Variants in COBL observed in about 807,000 individuals in gnomAD.
COBL encodes the protein cordon-bleu WH2 repeat protein, also known as protein cordon-bleu.
COBL carries 51 observed loss-of-function variants against 98.8 expected under a neutral mutation model. The ratio of observed to expected loss-of-function variants is 0.52; its 90% CI spans 0.41 to 0.65. The LOEUF (loss-of-function observed/expected upper bound fraction) is 0.65. Ranked by LOEUF, COBL falls within the 30% of genes least tolerant of loss-of-function variation. The pLI, the probability that COBL is intolerant of heterozygous loss-of-function variation, is 0.00. For synonymous variants in COBL, 634 were observed against 651.7 expected, an observed-to-expected ratio of 0.97 and a Z score of 0.41; for missense variants, 1,617 against 1,617.5, an observed-to-expected ratio of 1.00 and a Z score of 0.01.
Position 51,081,478 on chromosome 7 carries a change from G to T in COBL, c.1096+3688C>A, listed in dbSNP as rs189983925. Among the ~76,000 whole-genome samples the T allele has an allele frequency of 1.9e-4, 29 of 152,318 alleles. No homozygotes were observed. The East Asian group carries it at 5.6e-3, about 30-fold the overall frequency. ...AGGTCTAAGGGCAGCAGGTGGGGAGGTTCCACTGCTCTGCAGAGATGCAGG... is the reference window on the plus strand; with the variant it reads ...AGGTCTAAGGGCAGCAGGTGGGGAGTTTCCACTGCTCTGCAGAGATGCAGG... On this transcript the variant is annotated intron_variant, in intron 7 of 12. Coordinates refer to ENST00000265136, the MANE Select transcript of COBL (RefSeq NM_015198.5).
intron 2 of COBL, among the ~76,000 whole-genome samples, chr7:51,210,881 GCCT>G (rs1032381239): frequency 2.0e-5 from 3 of 152,126 alleles, no homozygotes; most frequent in African/African-American, 7.2e-5. Context: ...GTTCTTTCTA[GCCT>G]CCTTTGATGC....
chr7:51,151,016 T>A (rs714496), intron 5 of COBL, among the ~76,000 whole-genome samples: 18,315 of 151,942 alleles, frequency 0.12, 1,589 homozygotes, highest in African/African-American at 0.24. Context: ...CCCAATATTG[T>A]TCTGACCTCT....
At chr7:51,131,477 C>T (rs111405527) in intron 6 of COBL, among the ~76,000 whole-genome samples, 101 of 152,180 alleles carry the variant, frequency 6.6e-4, no homozygotes, top group African/African-American at 2.3e-3. Flanking sequence ...CTGTAACATG[C>T]CAGGTATTAT....
At chr7:51,112,452 G>C (rs1490151111) in intron 6 of COBL, among the ~76,000 whole-genome samples, 2 of 152,148 alleles carry the variant, frequency 1.3e-5, no homozygotes, top group African/African-American at 4.8e-5. Context: ...AGCAAGCAGT[G>C]CTTCATGATC....
Position 51,028,722 on chromosome 7 carries a change from G to C in COBL, c.2374C>G (p.Pro792Ala), listed in dbSNP as rs1343955317. 3 of 1,614,100 alleles carry C rather than the reference G, an allele frequency of 1.9e-6. No individual in the cohort carries two copies. The highest frequency in any genetic ancestry group is 1.7e-5 in the Admixed American group (1 of 60,030). The change falls in exon 10 of 13, where the codon CCC (proline) becomes GCC (alanine). Residue 792 changes from proline (P) to alanine (A), a missense_variant. By Grantham distance (27) the Pro-to-Ala change is conservative. Coordinates refer to ENST00000265136, the MANE Select transcript of COBL (RefSeq NM_015198.5). ...GTCTGCGTGGGCACAGGGGTGGAGG[G>C]GGGTCCCCTGGCAGAGCTCTCTGAG... ...RPSESSARGP[P>A]STPVPTQTQN...
At chr7:51,206,665 C>T (rs778575118) in intron 2 of COBL, among the ~76,000 whole-genome samples, 9 of 152,004 alleles carry the variant, frequency 5.9e-5, no homozygotes, top group African/African-American at 1.5e-4. Context: ...AATGTGGTTA[C>T]GTATATACAA....
intron 1 of COBL, among the ~76,000 whole-genome samples, chr7:51,241,735 T>A (rs985490958): frequency 6.6e-6 from 1 of 152,166 alleles, no homozygotes; most frequent in African/African-American, 2.4e-5. Flanking sequence ...TCACTTCACA[T>A]GGTTTTAAAA....
At chr7:51,122,529 T>C (rs186623870) in intron 6 of COBL, among the ~76,000 whole-genome samples, 8 of 152,318 alleles carry the variant, frequency 5.3e-5, no homozygotes, top group African/African-American at 1.9e-4. Context: ...CCATCATAAG[T>C]GTTGTTTTTT....
intron 1 of COBL, among the ~76,000 whole-genome samples, chr7:51,264,086 C>T (rs570113583): frequency 1.3e-5 from 2 of 152,280 alleles, no homozygotes; most frequent in South Asian, 2.1e-4. Context: ...GCCAGGACGC[C>T]GGCCCAGGTC....
At chr7:51,289,352 G>C (rs566342429) in intron 1 of COBL, among the ~76,000 whole-genome samples, 3 of 152,252 alleles carry the variant, frequency 2.0e-5, no homozygotes, top group East Asian at 1.9e-4. Context: ...AGACCTCACT[G>C]CCCTCCTGCT....
At chr7:51,156,519 TA>T in intron 5 of COBL, 1 of 985,156 alleles carries the variant, frequency 1.0e-6, no homozygotes, top group Non-Finnish European at 1.2e-6. Context: ...GCTCACCATA[TA>T]ATTACAGATC....
At chr7:51,198,149 T>A (rs1215779316) in intron 2 of COBL, among the ~76,000 whole-genome samples, 1 of 152,166 alleles carries the variant, frequency 6.6e-6, no homozygotes, top group Non-Finnish European at 1.5e-5. Flanking sequence ...GGTAATGGTG[T>A]TTCCTTTCCA....
In COBL at chr7:51,183,804, TG is replaced by T. The variant is rs113936846; in HGVS notation, c.783+297del. 9.2e-3 allele frequency among the ~76,000 whole-genome samples: 1,404 copies of T among 152,288 alleles called. 18 individuals carry two copies. The highest frequency in any genetic ancestry group is 0.032 in the African/African-American group (1,324 of 41,562). ...AGTTTCAGCCACAGGCAGAGTTCTG[TG>T]GAAGTACCGGAACACCCACAGGCAG... On this transcript the variant is annotated intron_variant, in intron 5 of 12. Transcript: ENST00000265136.
rs1387209620 is a variant in COBL, at chr7:51,043,609, C to A, written c.1180G>T (p.Val394Phe). The stretch of plus-strand genomic sequence containing the variant: ...TCCTCCGACGCAAAACAGCTGCCAA[C>A]TGACACGGTCTCCTCCGCCTCTGAC... Reference protein sequence around the residue: ...VLSEAEETVSVGSCFASEDTT... With the variant: ...VLSEAEETVSFGSCFASEDTT... The change falls in exon 8 of 13, where the codon GTT becomes TTT. Residue 394 changes from valine (V) to phenylalanine (F), a missense_variant. Physicochemically the swap from Val to Phe is conservative, Grantham distance 50. Transcript: ENST00000265136. 1.9e-6 allele frequency: 3 copies of A among 1,614,114 alleles called. No homozygotes were observed. The highest frequency in any genetic ancestry group is 2.5e-6 in the Non-Finnish European group (3 of 1,180,050).
intron 1 of COBL, among the ~76,000 whole-genome samples, chr7:51,241,584 T>TA (rs1563078786): frequency 1.3e-5 from 2 of 152,152 alleles, no homozygotes; most frequent in East Asian, 1.9e-4. Context: ...CTATATTTTT[T>TA]AAAAAAATAA....
intron 1 of COBL, 130 bp from the exon 2 acceptor site, chr7:51,220,074 C>A: frequency 1.4e-6 from 1 of 730,722 alleles, no homozygotes; most frequent in South Asian, 2.0e-5. Flanking sequence ...TTTTTAAAAT[C>A]AATGTCCCCC....
At chr7:51,059,672 C>T (rs1379855735) in intron 7 of COBL, among the ~76,000 whole-genome samples, 1 of 151,916 alleles carries the variant, frequency 6.6e-6, no homozygotes, top group Non-Finnish European at 1.5e-5. Context: ...GAGGGCTGGC[C>T]CTGTTCGCAT....
intron 1 of COBL, among the ~76,000 whole-genome samples, chr7:51,255,749 A>G (rs1265052641): frequency 6.6e-6 from 1 of 152,214 alleles, no homozygotes; most frequent in East Asian, 1.9e-4. Flanking sequence ...CCAGGCACTC[A>G]GTGGTGTCAC....
Position 51,179,858 on chromosome 7 carries a change from T to C in COBL, c.783+4244A>G, listed in dbSNP as rs576587612. Among the ~76,000 whole-genome samples, 22 of 152,312 alleles carry C rather than the reference T, an allele frequency of 1.4e-4. No individual in the cohort carries two copies. The South Asian group carries it at 4.4e-3, about 30-fold the overall frequency. Reference sequence around the variant, plus strand: ...TCAAGCAGAATAAAAGCTAAGTACATGGCACTGAAGTGACAGAGCACTGAA... The same window carrying C: ...TCAAGCAGAATAAAAGCTAAGTACACGGCACTGAAGTGACAGAGCACTGAA... On this transcript the variant is annotated intron_variant, in intron 5 of 12. Coordinates refer to ENST00000265136, the MANE Select transcript of COBL (RefSeq NM_015198.5).
Sources: gnomAD v4.1 joint callset for allele counts (sites outside exome capture counted in the v4.1 genomes callset) on GRCh38, gnomAD v4.1.1 for gene constraint, MANE v1.5 for transcripts, NCBI Gene and HGNC (gene_info 2026-07-23, HGNC 2026-07-21) for gene names.